The following PPP2R2B variants were observed in gnomAD, a reference collection of about 807,000 sequenced individuals.
The protein encoded by PPP2R2B is protein phosphatase 2 regulatory subunit Bbeta, also known as serine/threonine-protein phosphatase 2A 55 kDa regulatory subunit B beta isoform.
PPP2R2B carries 5 observed loss-of-function variants against 46.0 expected under a neutral mutation model. The ratio of observed to expected loss-of-function variants is 0.11; its 90% CI spans 0.06 to 0.23. The LOEUF (loss-of-function observed/expected upper bound fraction) is 0.23, where lower values mean the gene tolerates loss of function less well. Ranked by LOEUF, PPP2R2B falls within the 10% of genes least tolerant of loss-of-function variation. PPP2R2B has a pLI of 1.00. For synonymous variants in PPP2R2B, 215 were observed against 206.7 expected (o/e 1.04, Z -0.34); for missense variants, 367 against 575.0 (o/e 0.64, Z 3.70).
intron 7 of PPP2R2B, among the ~76,000 whole-genome samples, chr5:146,623,447 AGTCT>A (rs753633679): frequency 3.3e-5 from 5 of 152,348 alleles, no homozygotes; most frequent in East Asian, 1.9e-4. Context: ...TAATTGCATA[AGTCT>A]GTCTATCCAT....
intron 1 of PPP2R2B, among the ~76,000 whole-genome samples, chr5:146,934,090 A>G (rs977138709): frequency 1.3e-5 from 2 of 152,048 alleles, no homozygotes; most frequent in Non-Finnish European, 2.9e-5. Context: ...ATTCTTGGAC[A>G]TTTGGGTTGG....
intron 1 of PPP2R2B, among the ~76,000 whole-genome samples, chr5:146,974,691 ATT>A (rs543744922): frequency 5.6e-5 from 8 of 142,374 alleles, no homozygotes; most frequent in Admixed American, 1.4e-4. Context: ...AATAAAAGGA[ATT>A]TTTTTTTTTT....
intron 2 of PPP2R2B, among the ~76,000 whole-genome samples, chr5:147,072,056 G>C (rs56046133): frequency 0.032 from 4,944 of 152,260 alleles, 303 homozygotes; most frequent in African/African-American, 0.11. Context: ...AAGATGAGCA[G>C]TAAAAAAATT....
intron 1 of PPP2R2B, among the ~76,000 whole-genome samples, chr5:146,906,549 C>T (rs546735482): frequency 3.0e-4 from 46 of 152,188 alleles, no homozygotes; most frequent in African/African-American, 7.9e-4. Flanking sequence ...CTCGAACTCC[C>T]GATCTCAGGT....
chr5:146,959,142 C>A (rs1458163231), intron 1 of PPP2R2B, among the ~76,000 whole-genome samples: 1 of 152,138 alleles, frequency 6.6e-6, no homozygotes, highest in Non-Finnish European at 1.5e-5. Flanking sequence ...TAGTAGAAAC[C>A]TGGAAATTCT....
chr5:146,816,397 C>T (rs1757935971), intron 2 of PPP2R2B, among the ~76,000 whole-genome samples: 1 of 152,044 alleles, frequency 6.6e-6, no homozygotes, highest in African/African-American at 2.4e-5. Context: ...GAGACTATCT[C>T]CAAAAACAAC....
chr5:146,638,463 T>G (rs763108488), intron 6 of PPP2R2B, 48 bp from the exon 7 acceptor site: 2 of 1,519,460 alleles, frequency 1.3e-6, no homozygotes, highest in Non-Finnish European at 9.0e-7. Context: ...AGGCAGGAAC[T>G]TGGGGAAGGG....
At chr5:146,600,716 T>G (rs1198322546) in intron 7 of PPP2R2B, among the ~76,000 whole-genome samples, 1 of 152,194 alleles carries the variant, frequency 6.6e-6, no homozygotes, top group Non-Finnish European at 1.5e-5. Context: ...GACAGATCTA[T>G]GTATCTAACT....
intron 1 of PPP2R2B, among the ~76,000 whole-genome samples, chr5:147,032,466 G>A (rs1027972520): frequency 6.6e-6 from 1 of 152,056 alleles, no homozygotes; most frequent in African/African-American, 2.4e-5. Flanking sequence ...CACCCAAGCA[G>A]TACACTCTGC....
chr5:147,028,229 A>T (rs1229361999), intron 1 of PPP2R2B, among the ~76,000 whole-genome samples: 2 of 152,156 alleles, frequency 1.3e-5, no homozygotes, highest in African/African-American at 4.8e-5. Context: ...CATTTTTCGG[A>T]TTCAGTAACC....
chr5:147,039,183 C>T (rs1480158), intron 1 of PPP2R2B, among the ~76,000 whole-genome samples: 23,083 of 152,138 alleles, frequency 0.15, 2,163 homozygotes, highest in East Asian at 0.31. Context: ...AGATGCCTTC[C>T]CTGTCTGCCC....
intron 2 of PPP2R2B, among the ~76,000 whole-genome samples, chr5:146,762,519 A>G (rs1453097782): frequency 6.6e-6 from 1 of 152,242 alleles, no homozygotes; most frequent in East Asian, 1.9e-4. Context: ...TGGGTAATAG[A>G]GATGAAAAAT....
intron 1 of PPP2R2B, among the ~76,000 whole-genome samples, chr5:146,944,051 C>T (rs183726111): frequency 3.0e-4 from 46 of 152,272 alleles, no homozygotes; most frequent in Non-Finnish European, 8.8e-5. Context: ...CTACAGAGAC[C>T]AGCCTCCTCA....
At chr5:146,898,464 A>C (rs1433332953) in intron 1 of PPP2R2B, among the ~76,000 whole-genome samples, 1 of 152,152 alleles carries the variant, frequency 6.6e-6, no homozygotes, top group Non-Finnish European at 1.5e-5. Context: ...ACCTTATACA[A>C]AAATTAATTC....
At chr5:146,740,830 A>G (rs886918371) in intron 2 of PPP2R2B, among the ~76,000 whole-genome samples, 1 of 152,164 alleles carries the variant, frequency 6.6e-6, no homozygotes, top group Non-Finnish European at 1.5e-5. Context: ...AAAGAAGATC[A>G]TAGGAGGGCA....
chr5:146,969,405 G>C (rs373639616), intron 1 of PPP2R2B, among the ~76,000 whole-genome samples: 35 of 152,142 alleles, frequency 2.3e-4, no homozygotes, highest in Non-Finnish European at 2.9e-4. Flanking sequence ...GATAAAATTG[G>C]GGGGAGGAGA....
In PPP2R2B at chr5:146,835,998, T is replaced by C. The variant is rs557298867; in HGVS notation, c.70+42004A>G. Among the ~76,000 whole-genome samples, 34 of 152,318 alleles carry C rather than the reference T, an allele frequency of 2.2e-4. No individual in the cohort carries two copies. In the South Asian group the frequency reaches 6.6e-3, roughly 30 times the overall value. On this transcript the variant is annotated intron_variant, in intron 2 of 9. Transcript: ENST00000394411. ...AGTTCCATTATTTGTAAGAAGGTGA[T>C]GATAACACCACCAACCGCATTGGGT...
At chr5:146,778,073 C>G (rs1755297240) in intron 2 of PPP2R2B, among the ~76,000 whole-genome samples, 1 of 152,136 alleles carries the variant, frequency 6.6e-6, no homozygotes. Context: ...TTGTGTACAA[C>G]TAGAAACTTT....
intron 1 of PPP2R2B, among the ~76,000 whole-genome samples, chr5:146,942,138 G>A (rs200885718): frequency 2.6e-5 from 4 of 152,184 alleles, no homozygotes; most frequent in East Asian, 3.9e-4. Context: ...GATTACATGC[G>A]CAAAGACTCT....
Sources: gnomAD v4.1 joint callset for allele counts (sites outside exome capture counted in the v4.1 genomes callset) on GRCh38, gnomAD v4.1.1 for gene constraint, MANE v1.5 for transcripts, NCBI Gene and HGNC (gene_info 2026-07-23, HGNC 2026-07-21) for gene names.